Variants in HSP90B1 observed in about 807,000 individuals in gnomAD.
HSP90B1 encodes endoplasmin.
HSP90B1 carries 27 observed loss-of-function variants against 100.4 expected under a neutral mutation model. The ratio of observed to expected loss-of-function variants is 0.27; its 90% CI spans 0.20 to 0.37. HSP90B1 has a LOEUF of 0.37. Ranked by LOEUF, HSP90B1 falls within the 10% of genes least tolerant of loss-of-function variation. HSP90B1 has a pLI of 1.00. For synonymous variants in HSP90B1, 304 were observed against 330.8 expected (o/e 0.92, Z 0.88); for missense variants, 678 against 960.5 (o/e 0.71, Z 3.89).
chr12:103,939,098 C>CT lies in HSP90B1; in HGVS notation c.976-398dup, dbSNP rs34408098. On this transcript the variant is annotated intron_variant, in intron 7 of 17. Transcript: ENST00000299767. ...TAGATAACAGGTATCCTTTGGTGCC[C>CT]TTTTTTTTTTTTTCTTTAATTTGGA... 5.8e-3 allele frequency among the ~76,000 whole-genome samples: 831 copies of CT among 144,190 alleles called. 5 individuals carry two copies. The highest frequency in any genetic ancestry group is 0.023 in the South Asian group (105 of 4,570). The allele number at this position is 144,190 out of a possible 152,430, so 94.6% of individuals were successfully genotyped here. A position where few individuals can be genotyped will look rare whatever the true frequency, so the allele number is the denominator to read the frequency against.
rs2136211637 is a variant in HSP90B1, at chr12:103,930,837, C to T, written c.49+273C>T. Among the ~76,000 whole-genome samples, 1 of 152,256 alleles carries T rather than the reference C, an allele frequency of 6.6e-6. No homozygotes were observed. Among genetic ancestry groups the T allele is most frequent in the South Asian group, 2.1e-4 (1 of 4,818 alleles). On this transcript the variant is annotated intron_variant, in intron 1 of 17. Transcript: ENST00000299767. This position sits in a 1 kb window ranked among gnomAD's most constrained non-coding sequence, Gnocchi z 4.4. ...CTCGGGGTGGGGCCTCTCTGAGGCT[C>T]TGGCTCCCCCGGGAGCTGTGCGAGT...
Position 103,930,515 on chromosome 12 carries a change from C to T in HSP90B1, c.-1C>T. 1 of 1,607,434 alleles carries T rather than the reference C, an allele frequency of 6.2e-7. No individual in the cohort carries two copies. The highest frequency in any genetic ancestry group is 2.3e-5 in the East Asian group (1 of 43,898). On this transcript the variant is annotated 5_prime_UTR_variant, in exon 1 of 18. Coordinates refer to ENST00000299767, the MANE Select transcript of HSP90B1 (RefSeq NM_003299.3). This position sits in a 1 kb window ranked among gnomAD's most constrained non-coding sequence, Gnocchi z 4.4. ...GACTTGAGACTCACCGGCCGCACGC[C>T]ATGAGGGCCCTGTGGGTGCTGGGCC...
chr12:103,935,252 C>T (rs1282605884), intron 5 of HSP90B1, among the ~76,000 whole-genome samples: 2 of 152,136 alleles, frequency 1.3e-5, no homozygotes, highest in African/African-American at 4.8e-5. Context: ...CCTCTTAAGC[C>T]AGTAACTGTT....
At position 103,947,889 on chromosome 12, in the gene HSP90B1, T is replaced by C; in HGVS notation, c.*227T>C. ...TTAACTGACTATTCTTGATGTAAAA[T>C]CTTGTCATGTGTATAAAAATAAAAA... On this transcript the variant is annotated 3_prime_UTR_variant, in exon 18 of 18. Coordinates refer to ENST00000299767, the MANE Select transcript of HSP90B1 (RefSeq NM_003299.3). The C allele has an allele frequency of 1.8e-6, 1 of 546,948 alleles. No homozygotes were observed. Among genetic ancestry groups the C allele is most frequent in the Non-Finnish European group, 3.3e-6 (1 of 306,518 alleles). 33.9% of individuals were successfully genotyped at this position (546,948 alleles called of 1,614,324 possible).
At chr12:103,944,370 G>T (rs929148318) in intron 14 of HSP90B1, among the ~76,000 whole-genome samples, 15 of 152,180 alleles carry the variant, frequency 9.9e-5, no homozygotes, top group Middle Eastern at 3.4e-3. Flanking sequence ...ATACCTGGAG[G>T]TATAGTGAGT....
intron 6 of HSP90B1, 112 bp from the exon 7 acceptor site, chr12:103,938,226 CAG>C (rs1017177607): frequency 9.3e-6 from 8 of 861,950 alleles, no homozygotes; most frequent in African/African-American, 1.7e-5. Flanking sequence ...AGGATACTCT[CAG>C]GGTTTTCTTA....
Position 103,942,781 on chromosome 12 carries a change from G to A in HSP90B1, c.1629G>A (p.Gly543=), listed in dbSNP as rs778044896. ...EKQDKIYFMA[G]SSRKEAESSP... ...AAGACAAAATCTACTTCATGGCTGGGTCCAGCAGAAAAGAGGTGAGATGAA... is the reference window on the plus strand; with the variant it reads ...AAGACAAAATCTACTTCATGGCTGGATCCAGCAGAAAAGAGGTGAGATGAA... Residue 543 remains glycine (G), a synonymous_variant, in exon 12 of 18, where the codon GGG becomes GGA. Transcript: ENST00000299767. 12 of 1,613,752 alleles carry A rather than the reference G, an allele frequency of 7.4e-6. No homozygotes were observed. The African/African-American group carries it at 1.6e-4, about 22-fold the overall frequency.
At chr12:103,946,572 T>G in intron 14 of HSP90B1, 46 bp from the exon 15 acceptor site, 1 of 1,394,556 alleles carries the variant, frequency 7.2e-7, no homozygotes, top group Non-Finnish European at 1.0e-6. Flanking sequence ...GTATGAACCC[T>G]AAAATTGGAT....
At position 103,942,593 on chromosome 12, in the gene HSP90B1, A is replaced by G; in HGVS notation, c.1441A>G (p.Asn481Asp). Residue 481 changes from asparagine to aspartate, a missense_variant, in exon 12 of 18, where the codon AAT (asparagine) becomes GAT (aspartate). By Grantham distance (23) the Asn-to-Asp change is conservative (BLOSUM62 1). This residue lies in a region of HSP90B1 where 170 missense variants were observed against 236.7 expected (regional missense o/e 0.72). Transcript: ENST00000299767. Reference sequence around the variant, plus strand: ...CAAGAAGATTGCTGATGATAAATACAATGATACTTTTTGGAAAGAATTTGG... The same window carrying G: ...CAAGAAGATTGCTGATGATAAATACGATGATACTTTTTGGAAAGAATTTGG... Reference protein sequence around the residue: ...MIKKIADDKYNDTFWKEFGTN... With the variant: ...MIKKIADDKYDDTFWKEFGTN... 3 of 1,613,968 alleles carry G rather than the reference A, an allele frequency of 1.9e-6. No individual in the cohort carries two copies. The highest frequency in any genetic ancestry group is 2.5e-6 in the Non-Finnish European group (3 of 1,179,838).
rs186842507 is a variant in HSP90B1 at position 103,943,915 on chromosome 12, T to C, written c.2027+41T>C. 7.0e-6 allele frequency: 11 copies of C among 1,571,096 alleles called. No homozygotes were observed. In the African/African-American group the frequency reaches 1.2e-4, roughly 17 times the overall value. On this transcript the variant is annotated intron_variant, in intron 14 of 17. Coordinates refer to ENST00000299767, the MANE Select transcript of HSP90B1 (RefSeq NM_003299.3). The surrounding 1 kb of genome is among the most constrained non-coding windows in gnomAD (Gnocchi z 5.3). ...AAAGTCCCTGCCAGGGCGTTGCCCC[T>C]TACCCAATCTTTGTTTTGGAGATAA...
intron 5 of HSP90B1, among the ~76,000 whole-genome samples, chr12:103,937,356 TGA>T (rs1281249601): frequency 6.6e-6 from 1 of 152,266 alleles, no homozygotes; most frequent in Non-Finnish European, 1.5e-5. Flanking sequence ...GTAAGAGCTA[TGA>T]GAGTGCATGA....
rs553274851 is a variant in HSP90B1, at chr12:103,941,661, C to T, written c.1263C>T (p.Asp421=). The part of the protein sequence containing the change: ...LYVRRVFITD[D]FHDMMPKYLN... ...TGCGCCGTGTATTCATCACAGACGACTTCCATGATATGATGCCTAAATACC... is the reference window on the plus strand; with the variant it reads ...TGCGCCGTGTATTCATCACAGACGATTTCCATGATATGATGCCTAAATACC... Residue 421 remains aspartate (D), a synonymous_variant, in exon 10 of 18, where the codon GAC becomes GAT. Transcript: ENST00000299767. 1.1e-5 allele frequency: 17 copies of T among 1,613,952 alleles called. No homozygotes were observed. The highest frequency in any genetic ancestry group is 9.3e-6 in the Non-Finnish European group (11 of 1,180,020).
Position 103,943,443 on chromosome 12 carries a change from T to G in HSP90B1, c.1890+124T>G. The G allele has an allele frequency of 4.7e-6, 4 of 848,558 alleles. No individual in the cohort carries two copies. Among genetic ancestry groups the G allele is most frequent in the Non-Finnish European group, 5.3e-6 (3 of 566,296 alleles). 52.6% of individuals were successfully genotyped at this position (848,558 alleles called of 1,614,324 possible). A position where few individuals can be genotyped will look rare whatever the true frequency, so the allele number is the denominator to read the frequency against. Reference sequence around the variant, plus strand: ...ATTAGAATGGTAAAAATTTAATTAATGTAATTAAATTATTGGGAGAAAGCT... The same window carrying G: ...ATTAGAATGGTAAAAATTTAATTAAGGTAATTAAATTATTGGGAGAAAGCT... On this transcript the variant is annotated intron_variant, in intron 13 of 17. Coordinates refer to ENST00000299767, the MANE Select transcript of HSP90B1 (RefSeq NM_003299.3). This position sits in a 1 kb window ranked among gnomAD's most constrained non-coding sequence, Gnocchi z 5.3.
At chr12:103,938,568 C>G (rs770487067) in intron 7 of HSP90B1, 109 bp downstream of exon 7, 21 of 1,227,342 alleles carry the variant, frequency 1.7e-5, no homozygotes, top group Non-Finnish European at 2.4e-5. Context: ...AGTTCAGGTG[C>G]TAAGTCCATG....
intron 5 of HSP90B1, among the ~76,000 whole-genome samples, chr12:103,934,770 T>C (rs1165684): frequency 0.67 from 102,287 of 152,160 alleles, 35,004 homozygotes; most frequent in East Asian, 0.84. Flanking sequence ...GGCACAATCT[T>C]GGCTCACCAC....
chr12:103,936,622 C>CAAAAA (rs10611658), intron 5 of HSP90B1, among the ~76,000 whole-genome samples: 4 of 116,824 alleles, frequency 3.4e-5, no homozygotes, highest in Non-Finnish European at 5.3e-5. Context: ...GACAGAGGTC[C>CAAAAA]AAAAAAAAAA....
At chr12:103,946,556 G>A in intron 14 of HSP90B1, 62 bp from the exon 15 acceptor site, 2 of 1,195,808 alleles carry the variant, frequency 1.7e-6, no homozygotes, top group Non-Finnish European at 2.5e-6. Context: ...AAAGAATAAG[G>A]GAAACGTATG....
In HSP90B1 at chr12:103,937,737, T is replaced by C; in HGVS notation, c.786T>C (p.Asp262=). Residue 262 remains aspartate, a synonymous_variant, in exon 6 of 18, where the codon GAT becomes GAC. Coordinates refer to ENST00000299767, the MANE Select transcript of HSP90B1 (RefSeq NM_003299.3). ...KEEASDYLEL[D]TIKNLVKKYS... is the part of the protein sequence containing the mutation. ...AAGCATCTGATTACCTTGAATTGGA[T>C]ACAATTAAAAATCTCGTCAAAAAAT... 2 of 1,600,704 alleles carry C rather than the reference T, an allele frequency of 1.2e-6. No homozygotes were observed. The highest frequency in any genetic ancestry group is 4.5e-5 in the East Asian group (2 of 44,772).
rs1018491944 is a variant in HSP90B1 at position 103,934,169 on chromosome 12, G to C, written c.625G>C (p.Val209Leu). The change falls in exon 5 of 18, where the codon GTT becomes CTT. Residue 209 changes from valine (V) to leucine (L), a missense_variant. Val to Leu is a conservative substitution (Grantham distance 32). Around this residue, in one of 8 missense-constraint regions of HSP90B1, gnomAD observed 238 missense variants for 346.7 expected, o/e 0.69. Transcript: ENST00000299767. ...FYSAFLVADK[V>L]IVTSKHNNDT... ...TTCCGCCTTCCTTGTAGCAGATAAG[G>C]TTATTGTCACTTCAAAACACAACAA... 1.9e-6 allele frequency: 3 copies of C among 1,614,050 alleles called. No individual in the cohort carries two copies. Among genetic ancestry groups the C allele is most frequent in the Non-Finnish European group, 2.5e-6 (3 of 1,180,038 alleles).
Sources: allele counts gnomAD v4.1 joint callset (sites outside exome capture counted in the v4.1 genomes callset), GRCh38; gene constraint gnomAD v4.1.1; regional missense constraint gnomAD v4.1.1; non-coding constraint Gnocchi (gnomAD v3.1); transcripts MANE v1.5; gene names NCBI Gene and HGNC (gene_info 2026-07-23, HGNC 2026-07-21).